The following ZNF451 variants were observed in gnomAD, a reference collection of about 807,000 sequenced individuals.
ZNF451 encodes zinc finger protein 451.
ZNF451 carries 80 observed loss-of-function variants against 107.1 expected under a neutral mutation model. That is an observed-to-expected ratio of 0.75 (90% CI 0.62 to 0.90). ZNF451 has a LOEUF of 0.90. Ranked by LOEUF, ZNF451 falls within the 40% of genes least tolerant of loss-of-function variation. ZNF451 has a pLI of 0.00. For synonymous variants in ZNF451, 362 were observed against 406.5 expected, an observed-to-expected ratio of 0.89 and a Z score of 1.32; for missense variants, 1,107 against 1,236.2, an observed-to-expected ratio of 0.90 and a Z score of 1.57.
At chr6:57,105,504 A>G (rs539925183) in intron 3 of ZNF451, 37 of 985,264 alleles carry the variant, frequency 3.8e-5, no homozygotes, top group African/African-American at 2.1e-4. Context: ...CATTTGTACA[A>G]TTGCACTATC....
Position 57,141,400 on chromosome 6 carries a change from G to A in ZNF451, c.801G>A (p.Glu267=). ...NCFLLFSRKE[E]CSKHMSGKNH... ...TCCTTCTTTTTAGCAGAAAGGAGGA[G>A]TGTTCAAAGCATATGTCTGGAAAGA... Residue 267 remains glutamate, a synonymous_variant, in exon 8 of 15, where the codon GAG becomes GAA. Coordinates refer to ENST00000370706, the MANE Select transcript of ZNF451 (RefSeq NM_001031623.3). 1.9e-6 allele frequency: 3 copies of A among 1,613,464 alleles called. No homozygotes were observed. The highest frequency in any genetic ancestry group is 2.5e-6 in the Non-Finnish European group (3 of 1,179,680).
chr6:57,105,543 T>A, intron 3 of ZNF451: 13 of 985,442 alleles, frequency 1.3e-5, no homozygotes, highest in Non-Finnish European at 1.6e-5. Flanking sequence ...AATGTTAATT[T>A]GTTTTCTTTA....
At chr6:57,103,769 C>T in intron 3 of ZNF451, 2 of 985,184 alleles carry the variant, frequency 2.0e-6, no homozygotes, top group East Asian at 1.1e-4. Context: ...GGCTTCTGTT[C>T]TTGCCACAGT....
chr6:57,151,542 G>C (rs916131924), intron 11 of ZNF451, among the ~76,000 whole-genome samples: 1 of 151,966 alleles, frequency 6.6e-6, no homozygotes, highest in East Asian at 1.9e-4. Flanking sequence ...TTTTGTTTTT[G>C]TTTTTGTTTT....
At chr6:57,140,396 T>C (rs537374956) in intron 7 of ZNF451, among the ~76,000 whole-genome samples, 1 of 152,210 alleles carries the variant, frequency 6.6e-6, no homozygotes, top group African/African-American at 2.4e-5. Context: ...GGAAACCCTG[T>C]CTCTACCAAA....
At chr6:57,157,194 A>G (rs1763467545) in intron 13 of ZNF451, among the ~76,000 whole-genome samples, 1 of 152,198 alleles carries the variant, frequency 6.6e-6, no homozygotes, top group Non-Finnish European at 1.5e-5. Flanking sequence ...GTTTTCAGAA[A>G]TTTACCATCA....
chr6:57,141,469 C>T lies in ZNF451; in HGVS notation c.856+14C>T, dbSNP rs371492245. The T allele has an allele frequency of 3.7e-5, 59 of 1,590,258 alleles. No homozygotes were observed. The African/African-American group carries it at 5.6e-4, about 15-fold the overall frequency. On this transcript the variant is annotated intron_variant, in intron 8 of 14. Coordinates refer to ENST00000370706, the MANE Select transcript of ZNF451 (RefSeq NM_001031623.3). ...TCAAACTGGGTGGTATGTTAATACT[C>T]TCTTCTGCTGAAAATTAAACTACTT...
chr6:57,167,593 G>A (rs1763953751), intron 14 of ZNF451, among the ~76,000 whole-genome samples: 2 of 152,158 alleles, frequency 1.3e-5, no homozygotes, highest in Admixed American at 1.3e-4. Flanking sequence ...CCCAATCAGA[G>A]GAACATGCGG....
chr6:57,109,033 C>G, intron 3 of ZNF451: 1 of 985,378 alleles, frequency 1.0e-6, no homozygotes. Flanking sequence ...TTTTCATTTT[C>G]TGAACTTCCT....
intron 7 of ZNF451, among the ~76,000 whole-genome samples, chr6:57,140,377 G>A (rs1016736891): frequency 2.6e-4 from 39 of 152,076 alleles, no homozygotes; most frequent in Non-Finnish European, 4.6e-4. Context: ...ACCAGCCTGG[G>A]CAACGTGGGG....
intron 3 of ZNF451, chr6:57,115,911 C>T (rs1480183553): frequency 2.0e-5 from 3 of 152,042 alleles, no homozygotes; most frequent in Non-Finnish European, 4.4e-5. Context: ...AGGAGGATAA[C>T]CCTGAAGATC....
chr6:57,114,421 A>G (rs1830266493), intron 3 of ZNF451, among the ~76,000 whole-genome samples: 1 of 152,188 alleles, frequency 6.6e-6, no homozygotes, highest in Non-Finnish European at 1.5e-5. Flanking sequence ...TTTTAGCTAA[A>G]TGTTTTTTGC....
chr6:57,109,437 A>T (rs943064680), intron 3 of ZNF451: 2 of 985,292 alleles, frequency 2.0e-6, no homozygotes, highest in African/African-American at 3.5e-5. Flanking sequence ...TCTGAGCCTC[A>T]GTTTTCTTAC....
At chr6:57,146,500 C>T (rs1328075015) in intron 9 of ZNF451, among the ~76,000 whole-genome samples, 1 of 152,140 alleles carries the variant, frequency 6.6e-6, no homozygotes, top group Non-Finnish European at 1.5e-5. Context: ...CAAGTTTTAT[C>T]AGCACCATTT....
intron 13 of ZNF451, chr6:57,154,330 T>TA: frequency 2.1e-6 from 1 of 478,062 alleles, no homozygotes; most frequent in East Asian, 3.2e-5. Context: ...TACAGTATGT[T>TA]ACTACAATTT....
intron 7 of ZNF451, among the ~76,000 whole-genome samples, chr6:57,135,387 T>A (rs1831379919): frequency 6.6e-6 from 1 of 152,178 alleles, no homozygotes. Context: ...TTTACCATAT[T>A]TGATAGTAGA....
intron 3 of ZNF451, among the ~76,000 whole-genome samples, chr6:57,122,407 C>T (rs896672335): frequency 6.6e-6 from 1 of 152,104 alleles, no homozygotes; most frequent in Non-Finnish European, 1.5e-5. Flanking sequence ...AGCTTCTGCA[C>T]AGCAAAATAA....
At chr6:57,108,638 G>C in intron 3 of ZNF451, 1 of 985,366 alleles carries the variant, frequency 1.0e-6, no homozygotes, top group Non-Finnish European at 1.2e-6. Flanking sequence ...GGACAGAACG[G>C]CCTGTGTATT....
intron 9 of ZNF451, among the ~76,000 whole-genome samples, chr6:57,146,376 G>A (rs923324907): frequency 7.9e-5 from 12 of 151,980 alleles, no homozygotes; most frequent in African/African-American, 2.9e-4. Flanking sequence ...GGTTTTCCTA[G>A]GTTTTCTTCT....
Sources: gnomAD v4.1 joint callset for allele counts (sites outside exome capture counted in the v4.1 genomes callset) on GRCh38, gnomAD v4.1.1 for gene constraint, MANE v1.5 for transcripts, NCBI Gene and HGNC (gene_info 2026-07-23, HGNC 2026-07-21) for gene names.